The following MAP3K7 variants were observed in gnomAD, a reference collection of about 807,000 sequenced individuals.
MAP3K7 encodes mitogen-activated protein kinase kinase kinase 7, also known as TGF-beta activated kinase 1.
A neutral mutation model predicts 84.8 loss-of-function variants in MAP3K7; 21 were observed. The ratio of observed to expected loss-of-function variants is 0.25; its 90% CI spans 0.18 to 0.36. The LOEUF is 0.36. Ranked by LOEUF, MAP3K7 falls within the 10% of genes least tolerant of loss-of-function variation. MAP3K7 has a pLI of 1.00. For missense variants in MAP3K7, 503 were observed against 747.7 expected (o/e 0.67, Z 3.82); for synonymous variants, 241 against 247.7 (o/e 0.97, Z 0.25).
At chr6:90,551,077 T>C (rs892063683) in intron 8 of MAP3K7, 1 of 152,510 alleles carries the variant, frequency 6.6e-6, no homozygotes, top group Non-Finnish European at 1.5e-5. Flanking sequence ...AGAAGCAAAA[T>C]TACAACTGCA....
At chr6:90,529,571 T>C (rs377252359) in intron 13 of MAP3K7, among the ~76,000 whole-genome samples, 1 of 152,182 alleles carries the variant, frequency 6.6e-6, no homozygotes, top group African/African-American at 2.4e-5. Flanking sequence ...TTCTAACTAG[T>C]ACAGCTTTGG....
intron 6 of MAP3K7, among the ~76,000 whole-genome samples, chr6:90,553,839 G>GT (rs1327172174): frequency 6.6e-6 from 1 of 152,104 alleles, no homozygotes; most frequent in Non-Finnish European, 1.5e-5. Flanking sequence ...TCAAGAGGCA[G>GT]TTTTTTCATC....
intron 5 of MAP3K7, among the ~76,000 whole-genome samples, chr6:90,559,273 G>C (rs1231229841): frequency 6.6e-6 from 1 of 152,106 alleles, no homozygotes; most frequent in Non-Finnish European, 1.5e-5. Context: ...GCACCCAGAA[G>C]GGATGTTTTA....
At chr6:90,517,264 T>C (rs1168160985) in intron 16 of MAP3K7, among the ~76,000 whole-genome samples, 1 of 151,890 alleles carries the variant, frequency 6.6e-6, no homozygotes, top group African/African-American at 2.4e-5. Context: ...CATTCTTTTA[T>C]AGTCTGATAA....
intron 12 of MAP3K7, among the ~76,000 whole-genome samples, chr6:90,539,613 G>C (rs1775791053): frequency 6.6e-6 from 1 of 151,704 alleles, no homozygotes; most frequent in Admixed American, 6.6e-5. Context: ...GTTAAAGAAA[G>C]GTTTACAAAC....
intron 3 of MAP3K7, among the ~76,000 whole-genome samples, chr6:90,563,593 A>G (rs1776596790): frequency 6.6e-6 from 1 of 152,222 alleles, no homozygotes; most frequent in Non-Finnish European, 1.5e-5. Context: ...TCTACATCTC[A>G]TTAGTGTACC....
In MAP3K7 at chr6:90,514,872, T is replaced by G. The variant is rs1582149597; in HGVS notation, c.*1629A>C. ...AAATTTGGGAACAATTAACACTCCTTTTATTTAAATTAAATGACAGAAGAC... is the reference window on the plus strand; with the variant it reads ...AAATTTGGGAACAATTAACACTCCTGTTATTTAAATTAAATGACAGAAGAC... On this transcript the variant is annotated 3_prime_UTR_variant, in exon 17 of 17. Transcript: ENST00000369329. 1 of 152,136 alleles carries G rather than the reference T, an allele frequency of 6.6e-6. No individual in the cohort carries two copies. Among genetic ancestry groups the G allele is most frequent in the East Asian group, 1.9e-4 (1 of 5,178 alleles). The allele number at this position is 152,136 out of a possible 1,614,324, so 9.4% of individuals were successfully genotyped here. A position where few individuals can be genotyped will look rare whatever the true frequency, so the allele number is the denominator to read the frequency against.
At chr6:90,536,092 C>A (rs749619822) in intron 13 of MAP3K7, among the ~76,000 whole-genome samples, 11 of 151,950 alleles carry the variant, frequency 7.2e-5, no homozygotes, top group Admixed American at 7.2e-4. Context: ...ATATATACAG[C>A]GCTAATGAAC....
chr6:90,542,906 C>G (rs1775896948), intron 12 of MAP3K7, among the ~76,000 whole-genome samples: 1 of 151,976 alleles, frequency 6.6e-6, no homozygotes, highest in South Asian at 2.1e-4. Flanking sequence ...CCACTAGATG[C>G]CAGTAGTACC....
chr6:90,544,138 G>T (rs537450948), intron 12 of MAP3K7, among the ~76,000 whole-genome samples: 2 of 152,110 alleles, frequency 1.3e-5, no homozygotes, highest in Non-Finnish European at 2.9e-5. Flanking sequence ...GGTTAGGACA[G>T]AAAGTCTAGA....
chr6:90,574,352 C>T lies in MAP3K7; in HGVS notation c.121-2545G>A, dbSNP rs574289722. 7.1e-4 allele frequency among the ~76,000 whole-genome samples: 108 copies of T among 151,984 alleles called. 1 individual carries two copies. The highest frequency in any genetic ancestry group is 4.0e-3 in the Admixed American group (61 of 15,260). On this transcript the variant is annotated intron_variant, in intron 1 of 16. Coordinates refer to ENST00000369329, the MANE Select transcript of MAP3K7 (RefSeq NM_145331.3). ...CTGAATCCCTGAACTCAAGTAATCGCCCTGCCTCAGCCTCCCAAAGTGCTG... is the reference window on the plus strand; with the variant it reads ...CTGAATCCCTGAACTCAAGTAATCGTCCTGCCTCAGCCTCCCAAAGTGCTG...
chr6:90,545,821 G>A (rs34446279), intron 11 of MAP3K7, among the ~76,000 whole-genome samples: 3,123 of 152,196 alleles, frequency 0.021, 114 homozygotes, highest in African/African-American at 0.072. Flanking sequence ...TTGGAGCTAC[G>A]TGTAGCCATT....
chr6:90,575,829 C>T lies in MAP3K7; in HGVS notation c.121-4022G>A, dbSNP rs769993172. Reference sequence around the variant, plus strand: ...TTGATGTTGAAAGAATAATGAACTTCGTTTGTTTACTCCTTAAACCAATAT... The same window carrying T: ...TTGATGTTGAAAGAATAATGAACTTTGTTTGTTTACTCCTTAAACCAATAT... On this transcript the variant is annotated intron_variant, in intron 1 of 16. Transcript: ENST00000369329. Among the ~76,000 whole-genome samples, 328 of 152,184 alleles carry T rather than the reference C, an allele frequency of 2.2e-3. 2 individuals are homozygous for T. The highest frequency in any genetic ancestry group is 3.5e-3 in the Non-Finnish European group (236 of 67,990).
At chr6:90,586,374 G>A (rs1409619494) in intron 1 of MAP3K7, among the ~76,000 whole-genome samples, 37 of 66,166 alleles carry the variant, frequency 5.6e-4, no homozygotes, top group African/African-American at 4.8e-4. Context: ...GCGAGACTCC[G>A]TCTCAAAAAA....
intron 13 of MAP3K7, among the ~76,000 whole-genome samples, chr6:90,535,496 T>A (rs1775642097): frequency 6.6e-6 from 1 of 151,980 alleles, no homozygotes; most frequent in South Asian, 2.1e-4. Context: ...ATTACTTTTA[T>A]GCTGCTCTCA....
Position 90,518,551 on chromosome 6 carries a change from C to A in MAP3K7, c.1536G>T (p.Pro512=), listed in dbSNP as rs988683193. 1 of 1,584,396 alleles carries A rather than the reference C, an allele frequency of 6.3e-7. No homozygotes were observed. The highest frequency in any genetic ancestry group is 8.7e-7 in the Non-Finnish European group (1 of 1,154,890). Residue 512 remains proline (P), a synonymous_variant, in exon 16 of 17, where the codon CCG becomes CCT. Transcript: ENST00000369329. Reference sequence around the variant, plus strand: ...CCATAGATTCTTTGGAGTTTGGGCACGGTGCTAGAGGCTGAAAATAATCAG... The same window carrying A: ...CCATAGATTCTTTGGAGTTTGGGCAAGGTGCTAGAGGCTGAAAATAATCAG... The part of the protein sequence containing the change: ...TLDHQLQPLA[P]CPNSKESMAV...
chr6:90,581,408 T>C (rs570968432), intron 1 of MAP3K7, among the ~76,000 whole-genome samples: 1 of 152,272 alleles, frequency 6.6e-6, no homozygotes, highest in South Asian at 2.1e-4. Context: ...GCATAGATCA[T>C]ACATTTATTA....
chr6:90,532,174 T>C (rs189616119), intron 13 of MAP3K7, among the ~76,000 whole-genome samples: 2 of 152,318 alleles, frequency 1.3e-5, no homozygotes, highest in East Asian at 1.9e-4. Flanking sequence ...TCACTCAATA[T>C]GCGATAAGAG....
intron 9 of MAP3K7, among the ~76,000 whole-genome samples, chr6:90,548,796 T>C (rs953033512): frequency 1.3e-5 from 2 of 150,228 alleles, no homozygotes; most frequent in Non-Finnish European, 3.0e-5. Context: ...TAGGCTAGTA[T>C]GGTATCTCGG....
Sources: gnomAD v4.1 joint callset for allele counts (sites outside exome capture counted in the v4.1 genomes callset) on GRCh38, gnomAD v4.1.1 for gene constraint, MANE v1.5 for transcripts, NCBI Gene and HGNC (gene_info 2026-07-23, HGNC 2026-07-21) for gene names.